The following OTUD5 variants were observed in gnomAD, a reference collection of about 807,000 sequenced individuals.
The protein encoded by OTUD5 is OTU domain-containing protein 5.
A neutral mutation model predicts 36.3 loss-of-function variants in OTUD5; 2 were observed. That is an observed-to-expected ratio of 0.06 (90% CI 0.02 to 0.17). The LOEUF (loss-of-function observed/expected upper bound fraction) is 0.17, where lower values mean the gene tolerates loss of function less well. Among genes scored for constraint, OTUD5 ranks in the 10% least tolerant of loss-of-function variants. The pLI is 1.00. For synonymous variants in OTUD5, 234 were observed against 214.9 expected (o/e 1.09, Z -0.78); for missense variants, 233 against 512.3 (o/e 0.45, Z 5.26).
intron 1 of OTUD5, among the ~76,000 whole-genome samples, chrX:48,947,657 C>T (rs1204740405): frequency 5.7e-5 from 6 of 105,789 alleles, no homozygotes; most frequent in African/African-American, 1.7e-4. Flanking sequence ...GAGCCAAGAT[C>T]GCACCATTGC....
At chrX:48,949,223 C>A (rs782045279) in intron 1 of OTUD5, among the ~76,000 whole-genome samples, 1 of 111,859 alleles carries the variant, frequency 8.9e-6, no homozygotes, top group East Asian at 2.8e-4. Context: ...AAACCCTAAC[C>A]CCCCTGGAAC....
At chrX:48,958,188 G>T (rs917726003), upstream of OTUD5, 1 of 113,131 alleles carries the variant, frequency 8.8e-6, no homozygotes, top group African/African-American at 3.2e-5. Flanking sequence ...CTTTCTCCCC[G>T]TCAGTTCCGT....
chrX:48,923,153 T>C lies in OTUD5; in HGVS notation c.*21A>G, dbSNP rs1298664349. ...CAGGAGTACTGGGGTTGGGAGATGGTGTCCAATCCCTGGGTCTCCATCAAC... is the reference window on the plus strand; with the variant it reads ...CAGGAGTACTGGGGTTGGGAGATGGCGTCCAATCCCTGGGTCTCCATCAAC... On this transcript the variant is annotated 3_prime_UTR_variant, in exon 9 of 9. Transcript: ENST00000376488. 1 of 1,209,835 alleles carries C rather than the reference T, an allele frequency of 8.3e-7. No homozygotes were observed. The highest frequency in any genetic ancestry group is 2.2e-5 in the Admixed American group (1 of 45,948).
chrX:48,931,877 G>A (rs1308464630), intron 5 of OTUD5, among the ~76,000 whole-genome samples: 9 of 105,110 alleles, frequency 8.6e-5, no homozygotes, highest in Admixed American at 6.2e-4. Context: ...TGGGCTGGGC[G>A]CGTTGGCTCA....
chrX:48,938,660 C>T, intron 2 of OTUD5, among the ~76,000 whole-genome samples: 1 of 109,312 alleles, frequency 9.1e-6, no homozygotes, highest in Middle Eastern at 4.7e-3. Flanking sequence ...CACCACTGCA[C>T]TACAGCCTAG....
chrX:48,946,092 G>A (rs868937869), intron 1 of OTUD5, among the ~76,000 whole-genome samples: 37 of 111,123 alleles, frequency 3.3e-4, no homozygotes, highest in Non-Finnish European at 2.6e-4. Context: ...CCACCTATCC[G>A]TAAGGCCATT....
Position 48,957,167 on chromosome X carries a change from C to G in OTUD5, c.404G>C (p.Gly135Ala). 1 of 1,135,735 alleles carries G rather than the reference C, an allele frequency of 8.8e-7. No homozygotes were observed. Among genetic ancestry groups the G allele is most frequent in the East Asian group, 3.5e-5 (1 of 28,427 alleles). 93.6% of individuals were successfully genotyped at this position (1,135,735 alleles called of 1,213,427 possible). ...GAAGVVVGVG[G>A]AVGVGGCCSG... ...GCAGCAGCCGCCCACGCCTACGGCA[C>G]CACCCACACCCACCACCACGCCCGC... Residue 135 changes from glycine (G) to alanine (A), a missense_variant, in exon 1 of 9, where the codon GGT becomes GCT. Physicochemically the swap from Gly to Ala is moderately conservative, Grantham distance 60 (BLOSUM62 0). This residue lies in a region of OTUD5 where 155 missense variants were observed against 217.2 expected (regional missense o/e 0.71). Transcript: ENST00000376488.
chrX:48,938,894 T>G (rs1242060362), intron 2 of OTUD5, among the ~76,000 whole-genome samples: 2 of 110,138 alleles, frequency 1.8e-5, no homozygotes, highest in African/African-American at 6.6e-5. Flanking sequence ...CTGAAACTCC[T>G]CCTCTTGCTG....
At chrX:48,950,234 T>C in intron 1 of OTUD5, among the ~76,000 whole-genome samples, 1 of 110,760 alleles carries the variant, frequency 9.0e-6, no homozygotes, top group East Asian at 2.8e-4. Flanking sequence ...TCTTAGAGTA[T>C]CAGGTAGGAC....
chrX:48,945,960 AAGCAG>A (rs1367873167), intron 1 of OTUD5, among the ~76,000 whole-genome samples: 2 of 111,434 alleles, frequency 1.8e-5, no homozygotes, highest in Admixed American at 9.6e-5. Flanking sequence ...TGGCTACCAG[AAGCAG>A]CCAGCCTGAC....
rs1557047139 is a variant in OTUD5, at chrX:48,924,066, G to A, written c.1264-14C>T. 8.5e-7 allele frequency: 1 copy of A among 1,181,220 alleles called. No homozygotes were observed. On this transcript the variant is annotated splice_polypyrimidine_tract_variant and intron_variant, in intron 6 of 8. Transcript: ENST00000376488. ...GGCTTTCCGGGGCTGCAGCGGGGAA[G>A]GTAAATGCGTTAAGGACCACCAGCA...
intron 1 of OTUD5, among the ~76,000 whole-genome samples, chrX:48,950,133 T>C (rs1470549218): frequency 1.7e-5 from 1 of 59,232 alleles, no homozygotes; most frequent in Admixed American, 2.2e-4. Flanking sequence ...AGATTCCACC[T>C]CAAAAAAAAA....
intron 5 of OTUD5, among the ~76,000 whole-genome samples, chrX:48,931,171 T>TG (rs782197028): frequency 3.6e-5 from 4 of 111,101 alleles, no homozygotes; most frequent in African/African-American, 9.8e-5. Flanking sequence ...ATGGAAAAGG[T>TG]GGGAAAGAGT....
upstream of OTUD5, chrX:48,957,899 C>G: frequency 1.5e-6 from 1 of 646,520 alleles, no homozygotes; most frequent in Non-Finnish European, 1.9e-6. Context: ...GGAAACAGAA[C>G]CAAAACAAGC....
In OTUD5 at chrX:48,926,060, G is replaced by A. The variant is rs1832033851; in HGVS notation, c.1060-10C>T. 3.4e-6 allele frequency: 4 copies of A among 1,187,965 alleles called. No homozygotes were observed. Among genetic ancestry groups the A allele is most frequent in the Non-Finnish European group, 4.6e-6 (4 of 875,272 alleles). Reference sequence around the variant, plus strand: ...GAGACTGCTCTGCAAACTGCAAGGAGGGAGAGGAACAGGGATGTGCAATAA... The same window carrying A: ...GAGACTGCTCTGCAAACTGCAAGGAAGGAGAGGAACAGGGATGTGCAATAA... On this transcript the variant is annotated splice_polypyrimidine_tract_variant and intron_variant, in intron 5 of 8. Coordinates refer to ENST00000376488, the MANE Select transcript of OTUD5 (RefSeq NM_001136157.2).
In OTUD5 at chrX:48,923,855, C is replaced by A. The variant is rs782432323; in HGVS notation, c.1461G>T (p.Ala487=). The A allele has an allele frequency of 3.3e-6, 4 of 1,209,957 alleles. No individual in the cohort carries two copies. The African/African-American group carries it at 5.2e-5, about 16-fold the overall frequency. The change falls in exon 7 of 9, where the codon GCG becomes GCT. Residue 487 remains alanine (A), a synonymous_variant. Coordinates refer to ENST00000376488, the MANE Select transcript of OTUD5 (RefSeq NM_001136157.2). ...LALAKPPSPC[A]PGTSSQFSAG... ...CCCTGTGGGCAAGTCACTGACCTGG[C>A]GCACAGGGCGAAGGAGGTTTGGCAA... is the stretch of plus-strand genomic sequence containing the variant.
At chrX:48,926,720 CAT>C (rs1170035586) in intron 5 of OTUD5, among the ~76,000 whole-genome samples, 6 of 111,375 alleles carry the variant, frequency 5.4e-5, no homozygotes, top group Admixed American at 3.8e-4. Flanking sequence ...CTTTCACACA[CAT>C]GAGCAGATGA....
intron 1 of OTUD5, among the ~76,000 whole-genome samples, chrX:48,954,855 T>C (rs782295936): frequency 1.6e-3 from 175 of 112,351 alleles, no homozygotes; most frequent in Non-Finnish European, 2.2e-3. Context: ...AGACTCCATG[T>C]CCCCAGGACC....
At position 48,922,135 on chromosome X, in the gene OTUD5, C is replaced by A. The variant is rs951595476; in HGVS notation, c.*1039G>T. 9.8e-5 allele frequency: 11 copies of A among 112,167 alleles called. No individual in the cohort carries two copies. The highest frequency in any genetic ancestry group is 1.7e-4 in the Non-Finnish European group (9 of 53,159). 9.2% of individuals were successfully genotyped at this position (112,167 alleles called of 1,213,427 possible). On this transcript the variant is annotated 3_prime_UTR_variant, in exon 9 of 9. Transcript: ENST00000376488. ...GAGCATTCACACCTCTGAGGTCAAG[C>A]CAAGGTCCGTGCCATTGCATCCTCT...
Sources: allele counts gnomAD v4.1 joint callset (sites outside exome capture counted in the v4.1 genomes callset), GRCh38; gene constraint gnomAD v4.1.1; regional missense constraint gnomAD v4.1.1; transcripts MANE v1.5; gene names NCBI Gene and HGNC (gene_info 2026-07-23, HGNC 2026-07-21).